The following SMAD3 variants were observed in gnomAD, a reference collection of about 807,000 sequenced individuals.
The protein encoded by SMAD3 is MAD homolog 3.
In SMAD3, 12 loss-of-function variants were observed where a neutral mutation model predicts 51.8. That is an observed-to-expected ratio of 0.23 (90% CI 0.15 to 0.38). The LOEUF is 0.38. Among genes scored for constraint, SMAD3 ranks in the 10% least tolerant of loss-of-function variants. The pLI, the probability that SMAD3 is intolerant of heterozygous loss-of-function variation, is 1.00. For synonymous variants in SMAD3, 238 were observed against 227.7 expected (o/e 1.05, Z -0.41); for missense variants, 294 against 565.6 (o/e 0.52, Z 4.87).
chr15:67,149,413 G>A (rs1962066694), intron 1 of SMAD3, among the ~76,000 whole-genome samples: 1 of 152,276 alleles, frequency 6.6e-6, no homozygotes, highest in South Asian at 2.1e-4. Flanking sequence ...GCGGGAGGAC[G>A]CCTCACCTGG....
chr15:67,090,751 C>G (rs1186626995), intron 1 of SMAD3, among the ~76,000 whole-genome samples: 1 of 152,154 alleles, frequency 6.6e-6, no homozygotes, highest in African/African-American at 2.4e-5. Flanking sequence ...CCCCAGCACT[C>G]CCATCTCCCT....
chr15:67,171,449 A>T (rs962755359), intron 5 of SMAD3, among the ~76,000 whole-genome samples: 1 of 152,182 alleles, frequency 6.6e-6, no homozygotes, highest in Middle Eastern at 3.2e-3. Flanking sequence ...CAAATGAAAT[A>T]TCCATTTAGT....
chr15:67,125,673 C>G (rs913116743), intron 1 of SMAD3: 61 of 981,126 alleles, frequency 6.2e-5, no homozygotes, highest in Non-Finnish European at 7.1e-5. Flanking sequence ...TTTTTTAAGA[C>G]AACTGACTCC....
chr15:67,091,783 T>C (rs1032439293), intron 1 of SMAD3, among the ~76,000 whole-genome samples: 1 of 152,226 alleles, frequency 6.6e-6, no homozygotes, highest in African/African-American at 2.4e-5. Context: ...ATTTTTATGC[T>C]TATTGCTGTA....
chr15:67,075,976 C>T (rs1219685722), intron 1 of SMAD3, among the ~76,000 whole-genome samples: 2 of 151,878 alleles, frequency 1.3e-5, no homozygotes, highest in Non-Finnish European at 2.9e-5. Context: ...CAGTATCGAT[C>T]ATAATACATA....
chr15:67,165,201 T>C (rs1962547138), intron 2 of SMAD3, 52 bp from the exon 3 acceptor site: 1 of 1,613,880 alleles, frequency 6.2e-7, no homozygotes, highest in Admixed American at 1.7e-5. Flanking sequence ...GGGACTTTGG[T>C]GCTGGTCTGG....
chr15:67,173,633 T>G (rs8030377), intron 5 of SMAD3, among the ~76,000 whole-genome samples: 1 of 152,196 alleles, frequency 6.6e-6, no homozygotes, highest in Admixed American at 6.5e-5. Flanking sequence ...TAAAGTTGTT[T>G]GTGGGTTTTG....
At chr15:67,183,130 C>T (rs1366789466) in intron 6 of SMAD3, among the ~76,000 whole-genome samples, 4 of 147,266 alleles carry the variant, frequency 2.7e-5, no homozygotes, top group Admixed American at 2.0e-4. Flanking sequence ...GCAACCTCCA[C>T]CTCCCAGGTT....
intron 1 of SMAD3, among the ~76,000 whole-genome samples, chr15:67,080,579 C>T (rs534874743): frequency 1.5e-3 from 236 of 152,368 alleles, no homozygotes; most frequent in African/African-American, 5.5e-3. Flanking sequence ...ACTTTTCCTG[C>T]TCTCCACTTT....
At chr15:67,071,004 C>G (rs539812736) in intron 1 of SMAD3, among the ~76,000 whole-genome samples, 25 of 152,308 alleles carry the variant, frequency 1.6e-4, no homozygotes, top group African/African-American at 6.0e-4. Context: ...TGAGAACATA[C>G]TACAATGACC....
At chr15:67,077,718 A>T (rs1251050856) in intron 1 of SMAD3, among the ~76,000 whole-genome samples, 1 of 152,272 alleles carries the variant, frequency 6.6e-6, no homozygotes, top group East Asian at 1.9e-4. Context: ...TGAAGGATGG[A>T]TAGGAGTGTA....
chr15:67,184,649 T>C, intron 6 of SMAD3, 78 bp from the exon 7 acceptor site: 2 of 1,572,802 alleles, frequency 1.3e-6, no homozygotes, highest in Non-Finnish European at 1.7e-6. Flanking sequence ...TTCTGCCTCC[T>C]TTGCGAGCCT....
At chr15:67,145,726 A>G (rs549699165) in intron 1 of SMAD3, among the ~76,000 whole-genome samples, 1 of 152,298 alleles carries the variant, frequency 6.6e-6, no homozygotes, top group African/African-American at 2.4e-5. Flanking sequence ...CCAATGAGGA[A>G]ATGGGCCCCC....
intron 1 of SMAD3, among the ~76,000 whole-genome samples, chr15:67,081,687 C>G (rs1395556882): frequency 6.6e-6 from 1 of 152,136 alleles, no homozygotes. Flanking sequence ...ACAACTGTTG[C>G]AGATATTACC....
Position 67,165,335 on chromosome 15 carries a change from C to G in SMAD3, c.483C>G (p.Pro161=). Residue 161 remains proline, a synonymous_variant, in exon 3 of 9, where the codon CCC becomes CCG. Transcript: ENST00000327367. ...TGGACGACTACAGCCATTCCATCCC[C>G]GAAAACACTAACTTCCCCGCAGGCA... ...PPLDDYSHSI[P]ENTNFPAGIE... 1 of 1,614,234 alleles carries G rather than the reference C, an allele frequency of 6.2e-7. No homozygotes were observed. Among genetic ancestry groups the G allele is most frequent in the Non-Finnish European group, 8.5e-7 (1 of 1,180,046 alleles).
intron 1 of SMAD3, among the ~76,000 whole-genome samples, chr15:67,076,047 G>A (rs1159025268): frequency 2.0e-5 from 3 of 152,080 alleles, no homozygotes; most frequent in Admixed American, 6.5e-5. Flanking sequence ...GATGATGTCC[G>A]TCGACTCCAA....
At chr15:67,185,830 A>T (rs1963210495) in intron 7 of SMAD3, among the ~76,000 whole-genome samples, 1 of 152,262 alleles carries the variant, frequency 6.6e-6, no homozygotes, top group Non-Finnish European at 1.5e-5. Flanking sequence ...AGCCCACAGA[A>T]CATGGCCTGT....
chr15:67,164,779 G>A (rs1962529251), intron 1 of SMAD3, 116 bp from the exon 2 acceptor site: 1 of 1,083,234 alleles, frequency 9.2e-7, no homozygotes, highest in African/African-American at 1.5e-5. Flanking sequence ...CTCTGGATCT[G>A]GGAGAAATGA....
chr15:67,169,492 T>C (rs1180904055), intron 4 of SMAD3, among the ~76,000 whole-genome samples: 1 of 152,202 alleles, frequency 6.6e-6, no homozygotes, highest in East Asian at 1.9e-4. Flanking sequence ...TCTCCTTTTT[T>C]ATTTTTATTT....
Sources: gnomAD v4.1 joint callset for allele counts (sites outside exome capture counted in the v4.1 genomes callset) on GRCh38, gnomAD v4.1.1 for gene constraint, MANE v1.5 for transcripts, NCBI Gene and HGNC (gene_info 2026-07-23, HGNC 2026-07-21) for gene names.